LNPEP: variants seen among roughly 807,000 people sequenced by gnomAD.
The protein encoded by LNPEP is leucyl-cystinyl aminopeptidase.
LNPEP carries 64 observed loss-of-function variants against 120.6 expected under a neutral mutation model. The observed-to-expected ratio is 0.53, with a 90% CI of 0.43 to 0.65. The LOEUF (loss-of-function observed/expected upper bound fraction) is 0.65. Ranked by LOEUF, LNPEP falls within the 30% of genes least tolerant of loss-of-function variation. LNPEP has a pLI of 0.00. For synonymous variants in LNPEP, 435 were observed against 425.4 expected, an observed-to-expected ratio of 1.02 and a Z score of -0.28; for missense variants, 1,057 against 1,200.0, an observed-to-expected ratio of 0.88 and a Z score of 1.76.
chr5:96,975,839 A>G (rs1028596686), intron 1 of LNPEP, among the ~76,000 whole-genome samples: 1 of 152,200 alleles, frequency 6.6e-6, no homozygotes, highest in Admixed American at 6.5e-5. Flanking sequence ...GCACTGGTCC[A>G]CAAACAACAT....
At chr5:96,951,485 C>A (rs963316233) in intron 1 of LNPEP, among the ~76,000 whole-genome samples, 1 of 152,104 alleles carries the variant, frequency 6.6e-6, no homozygotes, top group South Asian at 2.1e-4. Flanking sequence ...GTCTCGATCT[C>A]CTGACCTCGT....
chr5:97,014,875 A>G, intron 12 of LNPEP, 64 bp from the exon 13 acceptor site: 1 of 1,190,462 alleles, frequency 8.4e-7, no homozygotes, highest in Non-Finnish European at 1.1e-6. Flanking sequence ...TTTCTCTTTT[A>G]GCATGCATAG....
intron 4 of LNPEP, among the ~76,000 whole-genome samples, chr5:96,992,619 A>G (rs192742879): frequency 6.6e-6 from 1 of 152,202 alleles, no homozygotes; most frequent in Non-Finnish European, 1.5e-5. Flanking sequence ...TTTGTCTTTC[A>G]AATAACTCTC....
intron 1 of LNPEP, among the ~76,000 whole-genome samples, chr5:96,967,177 C>T (rs1789747078): frequency 6.6e-6 from 1 of 152,104 alleles, no homozygotes; most frequent in Non-Finnish European, 1.5e-5. Flanking sequence ...GATATAAAAA[C>T]ACTATAACTG....
chr5:96,996,365 G>A (rs965416136), intron 6 of LNPEP, 25 bp from the exon 7 acceptor site: 2 of 1,252,512 alleles, frequency 1.6e-6, no homozygotes, highest in Non-Finnish European at 2.3e-6. Flanking sequence ...ATATCCTGTG[G>A]GTTAATTGTT....
At chr5:96,969,607 A>T (rs1392199693) in intron 1 of LNPEP, among the ~76,000 whole-genome samples, 1 of 152,042 alleles carries the variant, frequency 6.6e-6, no homozygotes, top group East Asian at 1.9e-4. Context: ...GGACAATGGT[A>T]TGTGTGGATT....
rs1790077836 is a variant in LNPEP, at chr5:96,979,620, C to A, written c.502C>A (p.Leu168Ile). 6.2e-7 allele frequency: 1 copy of A among 1,614,126 alleles called. No individual in the cohort carries two copies. Among genetic ancestry groups the A allele is most frequent in the Non-Finnish European group, 8.5e-7 (1 of 1,179,990 alleles). ...ATTGTTTCCATGGGCACAGATCAGGCTTCCCACTGCCGTTGTGCCACTACG... is the reference window on the plus strand; with the variant it reads ...ATTGTTTCCATGGGCACAGATCAGGATTCCCACTGCCGTTGTGCCACTACG... ...GKLFPWAQIR[L>I]PTAVVPLRYE... Residue 168 changes from leucine to isoleucine, a missense_variant, in exon 2 of 18, where the codon CTT (leucine) becomes ATT (isoleucine). Coordinates refer to ENST00000231368, the MANE Select transcript of LNPEP (RefSeq NM_005575.3).
intron 11 of LNPEP, chr5:97,010,397 A>G: frequency 1.0e-6 from 1 of 984,738 alleles, no homozygotes; most frequent in Non-Finnish European, 1.2e-6. Flanking sequence ...AGTAATTAAA[A>G]TATTTATCAT....
At chr5:96,988,376 C>A (rs1405710330) in intron 4 of LNPEP, among the ~76,000 whole-genome samples, 1 of 127,916 alleles carries the variant, frequency 7.8e-6, no homozygotes, top group Non-Finnish European at 1.6e-5. Context: ...CTCGCACTGT[C>A]GCCTGGGGTG....
intron 2 of LNPEP, among the ~76,000 whole-genome samples, chr5:96,984,538 C>T (rs1224976548): frequency 6.6e-6 from 1 of 152,056 alleles, no homozygotes; most frequent in African/African-American, 2.4e-5. Flanking sequence ...CTTATTTAAT[C>T]CTAAATGGGT....
intron 14 of LNPEP, among the ~76,000 whole-genome samples, chr5:97,023,421 T>C (rs1446678016): frequency 6.6e-6 from 1 of 152,072 alleles, no homozygotes; most frequent in East Asian, 1.9e-4. Context: ...ACCTGGCTAA[T>C]TTTTGTATAT....
intron 9 of LNPEP, among the ~76,000 whole-genome samples, chr5:97,005,183 G>T (rs1477315833): frequency 1.3e-5 from 2 of 152,124 alleles, no homozygotes; most frequent in African/African-American, 2.4e-5. Context: ...AAATAAATGG[G>T]CATATGGTGA....
rs1449014885 is a variant in LNPEP, at chr5:97,022,366, T to A, written c.2443T>A (p.Ser815Thr). The change falls in exon 14 of 18, where the codon TCT (serine) becomes ACT (threonine). Residue 815 changes from serine to threonine, a missense_variant. Ser to Thr is a moderately conservative substitution (Grantham distance 58). Coordinates refer to ENST00000231368, the MANE Select transcript of LNPEP (RefSeq NM_005575.3). ...AACTTGGACTGATGAGGGCACTCCA[T>A]CTATGCGAGAGCTTCGGTCAGCCCT... ...QQTWTDEGTP[S>T]MRELRSALLE... 15 of 1,613,848 alleles carry A rather than the reference T, an allele frequency of 9.3e-6. No individual in the cohort carries two copies. Among genetic ancestry groups the A allele is most frequent in the Non-Finnish European group, 3.4e-6 (4 of 1,179,858 alleles).
At chr5:97,004,162 C>G (rs1790722744) in intron 9 of LNPEP, among the ~76,000 whole-genome samples, 1 of 152,192 alleles carries the variant, frequency 6.6e-6, no homozygotes, top group Non-Finnish European at 1.5e-5. Flanking sequence ...CTGCAAAACC[C>G]TTATAAGCAT....
At chr5:96,969,660 A>C (rs557360590) in intron 1 of LNPEP, among the ~76,000 whole-genome samples, 1 of 151,882 alleles carries the variant, frequency 6.6e-6, no homozygotes, top group African/African-American at 2.4e-5. Context: ...AGCCGTCCAC[A>C]CTACTTTCCT....
In LNPEP at chr5:97,003,475, G is replaced by C; in HGVS notation, c.1714G>C (p.Val572Leu). 1 of 1,602,844 alleles carries C rather than the reference G, an allele frequency of 6.2e-7. No individual in the cohort carries two copies. The highest frequency in any genetic ancestry group is 8.5e-7 in the Non-Finnish European group (1 of 1,172,118). Reference protein sequence around the residue: ...YLSEDVFQHAVVLYLHNHSYA... With the variant: ...YLSEDVFQHALVLYLHNHSYA... ...TAGTGAAGATGTGTTTCAACATGCT[G>C]TTGTCCTTTACCTGCATAATCACAG... The change falls in exon 9 of 18, where the codon GTT becomes CTT. Residue 572 changes from valine to leucine, a missense_variant. Physicochemically the swap from Val to Leu is conservative, Grantham distance 32 (BLOSUM62 1). Coordinates refer to ENST00000231368, the MANE Select transcript of LNPEP (RefSeq NM_005575.3).
chr5:96,960,411 G>A (rs142544821), intron 1 of LNPEP, among the ~76,000 whole-genome samples: 28 of 152,322 alleles, frequency 1.8e-4, no homozygotes, highest in Non-Finnish European at 2.1e-4. Context: ...TTGGTTCAAT[G>A]TAGAAATCTA....
chr5:96,984,525 AAACTTATT>A (rs1790197290), intron 2 of LNPEP, among the ~76,000 whole-genome samples: 1 of 152,038 alleles, frequency 6.6e-6, no homozygotes, highest in African/African-American at 2.4e-5. Context: ...CCCTCCAATA[AAACTTATT>A]TAATCCTAAA....
intron 1 of LNPEP, chr5:96,943,221 T>A (rs981005998): frequency 5.4e-5 from 12 of 224,230 alleles, no homozygotes; most frequent in African/African-American, 2.8e-4. Context: ...TTACCAGTTG[T>A]TTAAAAAAAA....
Sources: allele counts gnomAD v4.1 joint callset (sites outside exome capture counted in the v4.1 genomes callset), GRCh38; gene constraint gnomAD v4.1.1; transcripts MANE v1.5; gene names NCBI Gene and HGNC (gene_info 2026-07-23, HGNC 2026-07-21).